Variants in DACH2 observed in about 807,000 individuals in gnomAD.
DACH2 encodes the protein dachshund homolog 2.
DACH2 carries 17 observed loss-of-function variants against 35.8 expected under a neutral mutation model. The ratio of observed to expected loss-of-function variants is 0.48; its 90% CI spans 0.33 to 0.71. The LOEUF is 0.71. Ranked by LOEUF, DACH2 falls within the 30% of genes least tolerant of loss-of-function variation. The pLI, the probability that DACH2 is intolerant of heterozygous loss-of-function variation, is 0.02. For missense variants in DACH2, 469 were observed against 472.7 expected, an observed-to-expected ratio of 0.99 and a Z score of 0.07; for synonymous variants, 195 against 177.3, an observed-to-expected ratio of 1.10 and a Z score of -0.79.
intron 3 of DACH2, among the ~76,000 whole-genome samples, chrX:86,561,904 A>G (rs1181950575): frequency 1.2e-5 from 1 of 85,072 alleles, no homozygotes; most frequent in African/African-American, 4.4e-5. Context: ...GTAGAATTAA[A>G]AAAAAAAAAA....
intron 2 of DACH2, among the ~76,000 whole-genome samples, chrX:86,386,121 T>C (rs1399634339): frequency 9.0e-6 from 1 of 111,651 alleles, no homozygotes; most frequent in African/African-American, 3.3e-5. Flanking sequence ...CACACTTTAT[T>C]TAATCCGCGG....
At chrX:86,241,128 T>C (rs1295448664) in intron 1 of DACH2, among the ~76,000 whole-genome samples, 1 of 111,998 alleles carries the variant, frequency 8.9e-6, no homozygotes, top group Non-Finnish European at 1.9e-5. Flanking sequence ...AACTGGGTAA[T>C]GGGCAGAGGT....
intron 1 of DACH2, among the ~76,000 whole-genome samples, chrX:86,315,881 T>G (rs1159668): frequency 1.9e-5 from 2 of 103,230 alleles, no homozygotes; most frequent in Admixed American, 2.1e-4. Context: ...TTAATAGGCA[T>G]AAGAAAAGAA....
At chrX:86,321,218 G>C (rs577447286) in intron 1 of DACH2, among the ~76,000 whole-genome samples, 4 of 111,414 alleles carry the variant, frequency 3.6e-5, no homozygotes, top group African/African-American at 1.3e-4. Context: ...AACTAATATT[G>C]TTATTATTAG....
chrX:86,715,311 T>C (rs944667706), intron 6 of DACH2, among the ~76,000 whole-genome samples: 1 of 111,891 alleles, frequency 8.9e-6, no homozygotes, highest in African/African-American at 3.2e-5. Context: ...ATATTTATGA[T>C]AATATATTGC....
chrX:86,158,928 TTCTTA>T lies in DACH2; in HGVS notation c.488+9827_488+9831del, dbSNP rs746229449. On this transcript the variant is annotated intron_variant, in intron 1 of 11. Coordinates refer to ENST00000373125, the MANE Select transcript of DACH2 (RefSeq NM_053281.3). ...TTTAGTTTTATGAGTGCAGAAAGTG[TTCTTA>T]TCTTATAAAGTACACATAAAAAGGA... Among the ~76,000 whole-genome samples, 49 of 111,559 alleles carry T rather than the reference TTCTTA, an allele frequency of 4.4e-4. No individual in the cohort carries two copies. The East Asian group carries it at 0.012, about 26-fold the overall frequency.
intron 7 of DACH2, among the ~76,000 whole-genome samples, chrX:86,802,529 A>G (rs1451305183): frequency 6.0e-4 from 6 of 9,923 alleles, no homozygotes; most frequent in Admixed American, 1.9e-3. Context: ...TTCTTGGTTG[A>G]AAAAAAAAAA....
intron 3 of DACH2, among the ~76,000 whole-genome samples, chrX:86,574,166 C>A (rs2039407141): frequency 9.0e-6 from 1 of 111,120 alleles, no homozygotes; most frequent in Admixed American, 9.6e-5. Flanking sequence ...TAAAACTACT[C>A]CTCAAATTGG....
intron 6 of DACH2, among the ~76,000 whole-genome samples, chrX:86,724,922 G>A (rs1169372258): frequency 9.3e-6 from 1 of 107,763 alleles, no homozygotes; most frequent in Non-Finnish European, 1.9e-5. Context: ...CCAAAGACTG[G>A]TCTTCATGTT....
At chrX:86,153,045 CT>C (rs1344628023) in intron 1 of DACH2, among the ~76,000 whole-genome samples, 2 of 111,458 alleles carry the variant, frequency 1.8e-5, no homozygotes, top group African/African-American at 6.5e-5. Context: ...TAGTGTTTCT[CT>C]TTTTACCTAC....
At chrX:86,277,077 G>A (rs2033929651) in intron 1 of DACH2, among the ~76,000 whole-genome samples, 1 of 111,718 alleles carries the variant, frequency 9.0e-6, no homozygotes, top group African/African-American at 3.3e-5. Flanking sequence ...AATGTCATCA[G>A]TATTTTGATA....
chrX:86,591,661 C>T (rs900939663), intron 3 of DACH2, among the ~76,000 whole-genome samples: 9 of 108,783 alleles, frequency 8.3e-5, no homozygotes, highest in African/African-American at 3.0e-4. Context: ...CCTCAGCCTC[C>T]CGAGTAGCTG....
intron 3 of DACH2, among the ~76,000 whole-genome samples, chrX:86,578,096 G>C (rs765120642): frequency 9.0e-6 from 1 of 111,411 alleles, no homozygotes; most frequent in Non-Finnish European, 1.9e-5. Flanking sequence ...AACTTTCAGA[G>C]ACCCAGGCTT....
chrX:86,395,243 C>T (rs1216977240), intron 2 of DACH2, among the ~76,000 whole-genome samples: 1 of 111,536 alleles, frequency 9.0e-6, no homozygotes, highest in Admixed American at 9.6e-5. Flanking sequence ...AGCAATTTCA[C>T]TCTCTCATAA....
intron 1 of DACH2, among the ~76,000 whole-genome samples, chrX:86,332,016 G>C (rs2035222678): frequency 9.0e-6 from 1 of 111,580 alleles, no homozygotes; most frequent in Admixed American, 9.6e-5. Context: ...TTTAATACTT[G>C]GTTAACCTGA....
intron 2 of DACH2, among the ~76,000 whole-genome samples, chrX:86,395,561 C>G (rs1055243709): frequency 4.5e-5 from 5 of 110,206 alleles, no homozygotes; most frequent in African/African-American, 1.7e-4. Context: ...CAACAGTCCC[C>G]AGTGTGTGAT....
At chrX:86,364,596 G>T (rs2035781530) in intron 1 of DACH2, among the ~76,000 whole-genome samples, 1 of 111,404 alleles carries the variant, frequency 9.0e-6, no homozygotes, top group Admixed American at 9.6e-5. Flanking sequence ...GGAGAAGCAT[G>T]ATGTGATGGG....
intron 3 of DACH2, among the ~76,000 whole-genome samples, chrX:86,568,761 A>C (rs2039325644): frequency 9.0e-6 from 1 of 111,492 alleles, no homozygotes; most frequent in African/African-American, 3.3e-5. Flanking sequence ...TATGCTAGAC[A>C]CTACTCCTTA....
intron 2 of DACH2, among the ~76,000 whole-genome samples, chrX:86,442,105 G>T (rs921656776): frequency 9.1e-6 from 1 of 109,638 alleles, no homozygotes; most frequent in Non-Finnish European, 1.9e-5. Context: ...TGGCCTTAAG[G>T]GATCCTTCTG....
Sources: allele counts gnomAD v4.1 joint callset (sites outside exome capture counted in the v4.1 genomes callset), GRCh38; gene constraint gnomAD v4.1.1; transcripts MANE v1.5; gene names NCBI Gene and HGNC (gene_info 2026-07-23, HGNC 2026-07-21).